The following HEG1 variants were observed in gnomAD, a reference collection of about 807,000 sequenced individuals.
The protein encoded by HEG1 is protein HEG homolog 1.
A neutral mutation model predicts 125.6 loss-of-function variants in HEG1; 56 were observed. The observed-to-expected ratio is 0.45, with a 90% confidence interval of 0.36 to 0.56. The LOEUF is 0.56. HEG1 is among the 20% of genes least tolerant of loss of function. The pLI, the probability that HEG1 is intolerant of heterozygous loss-of-function variation, is 0.00. For missense variants in HEG1, 1,523 were observed against 1,670.0 expected (o/e 0.91, Z 1.53); for synonymous variants, 644 against 668.5 (o/e 0.96, Z 0.57).
At chr3:125,052,315 G>A (rs1257609483) in intron 1 of HEG1, among the ~76,000 whole-genome samples, 1 of 152,188 alleles carries the variant, frequency 6.6e-6, no homozygotes, top group Non-Finnish European at 1.5e-5. Context: ...GGTTCTCCCA[G>A]CAGCCAAGCT....
At chr3:125,042,376 C>T (rs9826101) in intron 1 of HEG1, among the ~76,000 whole-genome samples, 28,447 of 152,010 alleles carry the variant, frequency 0.19, 3,300 homozygotes, top group Non-Finnish European at 0.27. Flanking sequence ...TTCAGTGAGC[C>T]GAGATCATGC....
intron 6 of HEG1, among the ~76,000 whole-genome samples, chr3:125,010,892 A>G (rs947331704): frequency 4.6e-5 from 7 of 152,194 alleles, no homozygotes; most frequent in Non-Finnish European, 7.3e-5. Flanking sequence ...ATCAATGCCA[A>G]TTGAAAGCAC....
At chr3:125,006,905 A>C (rs1937078179) in intron 8 of HEG1, among the ~76,000 whole-genome samples, 1 of 152,204 alleles carries the variant, frequency 6.6e-6, no homozygotes, top group African/African-American at 2.4e-5. Context: ...TCTGTATAGA[A>C]ATTCACATCG....
intron 14 of HEG1, among the ~76,000 whole-genome samples, chr3:124,986,206 C>T (rs1264400132): frequency 6.6e-6 from 1 of 152,230 alleles, no homozygotes; most frequent in East Asian, 1.9e-4. Context: ...ATGATGTGTG[C>T]TTGGCTGGAA....
chr3:124,970,586 T>C lies in HEG1; in HGVS notation c.*66A>G. ...ACAAATCCTGGGCGCAGCCTCCTGGTGCGGTCCTCTGAGCAGAGGTCCCAG... is the reference window on the plus strand; with the variant it reads ...ACAAATCCTGGGCGCAGCCTCCTGGCGCGGTCCTCTGAGCAGAGGTCCCAG... On this transcript the variant is annotated 3_prime_UTR_variant, in exon 17 of 17. Coordinates refer to ENST00000311127, the MANE Select transcript of HEG1 (RefSeq NM_020733.2). 7.0e-7 allele frequency: 1 copy of C among 1,429,166 alleles called. No homozygotes were observed. 88.5% of individuals were successfully genotyped at this position (1,429,166 alleles called of 1,614,324 possible).
intron 14 of HEG1, among the ~76,000 whole-genome samples, chr3:124,986,982 G>A (rs1169529845): frequency 6.6e-6 from 1 of 152,180 alleles, no homozygotes; most frequent in Non-Finnish European, 1.5e-5. Context: ...GCCCTTTATA[G>A]ACTCATGTTC....
At chr3:124,984,346 C>G (rs1184634898) in intron 14 of HEG1, among the ~76,000 whole-genome samples, 2 of 136,024 alleles carry the variant, frequency 1.5e-5, no homozygotes, top group Non-Finnish European at 3.1e-5. Flanking sequence ...GAAAGGATGA[C>G]CTACAAAAGA....
rs760458687 is a variant in HEG1 at position 125,009,774 on chromosome 3, T to C, written c.3124A>G (p.Asn1042Asp). Residue 1042 changes from asparagine (N) to aspartate (D), a missense_variant, in exon 8 of 17, where the codon AAT (asparagine) becomes GAT (aspartate). By Grantham distance (23) the Asn-to-Asp change is conservative (BLOSUM62 1). Transcript: ENST00000311127. The part of the protein sequence containing the change: ...NPCPSTAMCN[N>D]TQGSFICKCP... The stretch of plus-strand genomic sequence containing the variant: ...TTGCAGATAAAGGATCCCTGAGTAT[T>C]GTTGCACATGGCTGTGGATGGGCAG... The C allele has an allele frequency of 6.2e-6, 10 of 1,613,692 alleles. No homozygotes were observed. In the East Asian group the frequency reaches 2.0e-4, roughly 32 times the overall value.
chr3:124,976,989 C>A (rs1936556680), intron 15 of HEG1, among the ~76,000 whole-genome samples: 1 of 152,196 alleles, frequency 6.6e-6, no homozygotes, highest in African/African-American at 2.4e-5. Flanking sequence ...CAAATCTCAT[C>A]TTGAATTCCC....
intron 15 of HEG1, among the ~76,000 whole-genome samples, chr3:124,974,358 T>C (rs780750922): frequency 1.3e-5 from 2 of 152,022 alleles, no homozygotes. Flanking sequence ...CTCCCCCAGA[T>C]TGACTGAATC....
Position 124,977,859 on chromosome 3 carries a change from C to T in HEG1, c.3821G>A (p.Arg1274Lys), listed in dbSNP as rs779466497. 2 of 1,561,894 alleles carry T rather than the reference C, an allele frequency of 1.3e-6. No homozygotes were observed. Among genetic ancestry groups the T allele is most frequent in the Non-Finnish European group, 1.7e-6 (2 of 1,151,996 alleles). ...LGIALIVTCC[R>K]KNKNDISKLI... ...TGGAACCTGAACTCTCATCACTTAC[C>T]TGCAACAGGTAACAATCAGTGCGAT... The change falls in exon 15 of 17, where the codon AGA (arginine) becomes AAA (lysine). Residue 1274 changes from arginine to lysine, a missense_variant and splice_region_variant. Arg to Lys is a conservative substitution (Grantham distance 26, BLOSUM62 2). Transcript: ENST00000311127.
In HEG1 at chr3:125,027,306, A is replaced by G. The variant is rs781487386; in HGVS notation, c.812T>C (p.Leu271Pro). 3 of 1,613,888 alleles carry G rather than the reference A, an allele frequency of 1.9e-6. No individual in the cohort carries two copies. The highest frequency in any genetic ancestry group is 2.5e-6 in the Non-Finnish European group (3 of 1,179,876). Residue 271 changes from leucine to proline, a missense_variant, in exon 3 of 17, where the codon CTG becomes CCG. Physicochemically the swap from Leu to Pro is moderately conservative, Grantham distance 98. Transcript: ENST00000311127. Reference sequence around the variant, plus strand: ...ATTTCTCTTCCTAGAAGGCGTGGTCAGCTCTCCCATCTCCAAAGCAGGAAG... The same window carrying G: ...ATTTCTCTTCCTAGAAGGCGTGGTCGGCTCTCCCATCTCCAAAGCAGGAAG... ...SFLPALEMGE[L>P]TTPSRKRNSS...
chr3:125,039,558 T>A (rs1937575476), intron 1 of HEG1, among the ~76,000 whole-genome samples: 1 of 152,174 alleles, frequency 6.6e-6, no homozygotes, highest in Non-Finnish European at 1.5e-5. Flanking sequence ...AGCCCTTTAT[T>A]TTCTTTTCCC....
At chr3:125,042,004 T>G (rs974040956) in intron 1 of HEG1, among the ~76,000 whole-genome samples, 3 of 152,198 alleles carry the variant, frequency 2.0e-5, no homozygotes, top group Admixed American at 6.5e-5. Context: ...GATGAAAAAT[T>G]TCAGTAAACA....
intron 1 of HEG1, among the ~76,000 whole-genome samples, chr3:125,039,957 GC>G (rs1316699819): frequency 6.6e-6 from 1 of 152,166 alleles, no homozygotes; most frequent in Non-Finnish European, 1.5e-5. Context: ...TATCACACGG[GC>G]TTTGGAATCA....
intron 1 of HEG1, among the ~76,000 whole-genome samples, chr3:125,034,111 C>A (rs373213676): frequency 4.9e-5 from 3 of 61,764 alleles, no homozygotes; most frequent in South Asian, 6.2e-4. Flanking sequence ...ATGGATAGTG[C>A]CTCCAGGTAC....
intron 12 of HEG1, among the ~76,000 whole-genome samples, chr3:124,996,852 A>G (rs144324506): frequency 8.2e-4 from 125 of 152,240 alleles, no homozygotes; most frequent in African/African-American, 2.9e-3. Context: ...TGGCCTTTAT[A>G]TCGTTAGTTT....
In HEG1 at chr3:124,966,835, A is replaced by G. The variant is rs920755106; in HGVS notation, c.*3817T>C. On this transcript the variant is annotated 3_prime_UTR_variant, in exon 17 of 17. Coordinates refer to ENST00000311127, the MANE Select transcript of HEG1 (RefSeq NM_020733.2). ...CCCGGGCATCTCACCAGGGGGCAAC[A>G]CAGTTTCATGCAGGCACCAAAAAGC... 2.0e-5 allele frequency: 3 copies of G among 152,240 alleles called. No individual in the cohort carries two copies. Among genetic ancestry groups the G allele is most frequent in the Non-Finnish European group, 4.4e-5 (3 of 68,082 alleles). 9.4% of individuals were successfully genotyped at this position (152,240 alleles called of 1,614,324 possible). A position where few individuals can be genotyped will look rare whatever the true frequency, so the allele number is the denominator to read the frequency against.
At chr3:124,984,362 G>C (rs1232901690) in intron 14 of HEG1, among the ~76,000 whole-genome samples, 1 of 152,032 alleles carries the variant, frequency 6.6e-6, no homozygotes, top group Non-Finnish European at 1.5e-5. Context: ...AAAGAGACGT[G>C]GCAAATATGA....
Sources: allele counts gnomAD v4.1 joint callset (sites outside exome capture counted in the v4.1 genomes callset), GRCh38; gene constraint gnomAD v4.1.1; transcripts MANE v1.5; gene names NCBI Gene and HGNC (gene_info 2026-07-23, HGNC 2026-07-21).